IPMK: variants seen among roughly 807,000 people sequenced by gnomAD.
The protein encoded by IPMK is inositol 1,3,4,6-tetrakisphosphate 5-kinase.
IPMK carries 17 observed loss-of-function variants against 45.8 expected under a neutral mutation model. That is an observed-to-expected ratio of 0.37 (90% CI 0.25 to 0.56). The LOEUF (loss-of-function observed/expected upper bound fraction) is 0.56. IPMK is among the 20% of genes least tolerant of loss of function. IPMK has a pLI of 0.79. For synonymous variants in IPMK, 180 were observed against 184.3 expected, an observed-to-expected ratio of 0.98 and a Z score of 0.19; for missense variants, 399 against 498.0, an observed-to-expected ratio of 0.80 and a Z score of 1.89.
At chr10:58,248,013 A>T (rs1183650328) in intron 1 of IPMK, among the ~76,000 whole-genome samples, 2 of 152,002 alleles carry the variant, frequency 1.3e-5, no homozygotes, top group Non-Finnish European at 2.9e-5. Context: ...CTAAATGAAC[A>T]CCTATATTAA....
intron 1 of IPMK, among the ~76,000 whole-genome samples, chr10:58,240,748 T>C (rs958335030): frequency 5.3e-5 from 8 of 150,862 alleles, no homozygotes; most frequent in African/African-American, 1.7e-4. Flanking sequence ...GTTAGAATAA[T>C]AAAGCTAAAA....
intron 2 of IPMK, among the ~76,000 whole-genome samples, chr10:58,230,879 C>A (rs568525892): frequency 6.6e-6 from 1 of 152,062 alleles, no homozygotes; most frequent in African/African-American, 2.4e-5. Flanking sequence ...CAAACTTCTC[C>A]GAGCTAAAGG....
At chr10:58,253,009 T>C (rs1163521306) in intron 1 of IPMK, among the ~76,000 whole-genome samples, 1 of 152,208 alleles carries the variant, frequency 6.6e-6, no homozygotes, top group Non-Finnish European at 1.5e-5. Context: ...TGACATGGTT[T>C]GGCTGTGTCC....
At chr10:58,258,722 G>C (rs1019074937) in intron 1 of IPMK, among the ~76,000 whole-genome samples, 1 of 152,082 alleles carries the variant, frequency 6.6e-6, no homozygotes, top group African/African-American at 2.4e-5. Flanking sequence ...CTAATATATT[G>C]TTTAGTACTT....
At chr10:58,205,263 T>C (rs937196069) in intron 4 of IPMK, among the ~76,000 whole-genome samples, 4 of 146,712 alleles carry the variant, frequency 2.7e-5, no homozygotes, top group Non-Finnish European at 5.9e-5. Flanking sequence ...CGACAAATAC[T>C]ATCAAGTAAG....
chr10:58,198,632 T>C (rs1437961973), intron 5 of IPMK, among the ~76,000 whole-genome samples: 5 of 152,194 alleles, frequency 3.3e-5, no homozygotes. Flanking sequence ...CTAAATATCT[T>C]AGTAGAGCTA....
chr10:58,237,074 T>G (rs972672725), intron 2 of IPMK, among the ~76,000 whole-genome samples: 2 of 152,070 alleles, frequency 1.3e-5, no homozygotes, highest in Non-Finnish European at 2.9e-5. Flanking sequence ...AGACCCTATC[T>G]CAAAAAAGAA....
intron 5 of IPMK, among the ~76,000 whole-genome samples, chr10:58,197,487 AAAAACAC>A (rs1837920092): frequency 6.6e-6 from 1 of 150,970 alleles, no homozygotes; most frequent in South Asian, 2.1e-4. Context: ...CGTCTCTACT[AAAAACAC>A]AAAAAATTAG....
chr10:58,219,633 G>C lies in IPMK; in HGVS notation c.374-3316C>G, dbSNP rs77644926. Among the ~76,000 whole-genome samples the C allele has an allele frequency of 7.2e-5, 11 of 152,294 alleles. No individual in the cohort carries two copies. The East Asian group carries it at 1.4e-3, about 19-fold the overall frequency. The stretch of plus-strand genomic sequence containing the variant: ...TTTCGGCTAGGCCCCTCTGGGTATA[G>C]AGTGGAGCAGTATTTTTCCATTTCT... On this transcript the variant is annotated intron_variant, in intron 3 of 5. Transcript: ENST00000373935.
chr10:58,229,684 A>T (rs1838480277), intron 2 of IPMK, among the ~76,000 whole-genome samples: 1 of 152,160 alleles, frequency 6.6e-6, no homozygotes, highest in African/African-American at 2.4e-5. Flanking sequence ...CCCAGGAACA[A>T]ATGAAAGAAA....
chr10:58,245,008 C>A (rs1319829719), intron 1 of IPMK, among the ~76,000 whole-genome samples: 3 of 150,916 alleles, frequency 2.0e-5, no homozygotes, highest in African/African-American at 7.3e-5. Context: ...GCCACATCCC[C>A]CTCTCTGAGA....
intron 4 of IPMK, among the ~76,000 whole-genome samples, chr10:58,204,686 T>G (rs1838047132): frequency 6.6e-6 from 1 of 152,000 alleles, no homozygotes; most frequent in African/African-American, 2.4e-5. Context: ...TGTCAATTAC[T>G]TGGGAGGCTT....
chr10:58,244,508 C>G (rs938198481), intron 1 of IPMK, among the ~76,000 whole-genome samples: 2 of 152,124 alleles, frequency 1.3e-5, no homozygotes, highest in African/African-American at 4.8e-5. Context: ...GCCAGGCCGT[C>G]CCGTCTGGGA....
intron 3 of IPMK, among the ~76,000 whole-genome samples, chr10:58,221,418 T>C (rs938441899): frequency 6.6e-6 from 1 of 151,992 alleles, no homozygotes; most frequent in African/African-American, 2.4e-5. Context: ...AGGTTATAGA[T>C]AGTAAAGATT....
rs1248902385 is a variant in IPMK at position 58,199,208 on chromosome 10, A to T, written c.628+32T>A. On this transcript the variant is annotated intron_variant, in intron 5 of 5. Coordinates refer to ENST00000373935, the MANE Select transcript of IPMK (RefSeq NM_152230.5). ...AACTTTAGAAGTCTTTTAACTGTTC[A>T]ATCATAAAAGCATTAGTTTTTTAGT... 3.7e-6 allele frequency: 5 copies of T among 1,350,334 alleles called. No individual in the cohort carries two copies. In the Admixed American group the frequency reaches 9.8e-5, roughly 26 times the overall value. 83.6% of individuals were successfully genotyped at this position (1,350,334 alleles called of 1,614,324 possible). A position where few individuals can be genotyped will look rare whatever the true frequency, so the allele number is the denominator to read the frequency against.
intron 4 of IPMK, among the ~76,000 whole-genome samples, chr10:58,211,350 T>A (rs1431525044): frequency 1.3e-5 from 2 of 151,912 alleles, no homozygotes; most frequent in African/African-American, 2.4e-5. Context: ...TGCCACCATA[T>A]GCAACTAATT....
At chr10:58,215,077 GGTA>G (rs1838223990) in intron 4 of IPMK, among the ~76,000 whole-genome samples, 1 of 128,058 alleles carries the variant, frequency 7.8e-6, no homozygotes, top group East Asian at 2.5e-4. Flanking sequence ...CTTAGAATGT[GGTA>G]CTTCAAAATT....
intron 4 of IPMK, 41 bp downstream of exon 4, chr10:58,216,104 G>A (rs756115344): frequency 6.2e-6 from 8 of 1,281,028 alleles, no homozygotes; most frequent in Non-Finnish European, 8.4e-6. Flanking sequence ...GGAAGAACAT[G>A]TACAGAGAAA....
At chr10:58,239,696 G>A (rs1428464967) in intron 1 of IPMK, among the ~76,000 whole-genome samples, 2 of 152,014 alleles carry the variant, frequency 1.3e-5, no homozygotes, top group African/African-American at 2.4e-5. Flanking sequence ...TGGTAATCTC[G>A]GCATTCTCTA....
Sources: gnomAD v4.1 joint callset for allele counts (sites outside exome capture counted in the v4.1 genomes callset) on GRCh38, gnomAD v4.1.1 for gene constraint, MANE v1.5 for transcripts, NCBI Gene and HGNC (gene_info 2026-07-23, HGNC 2026-07-21) for gene names.